The following CLECL1 variants were observed in gnomAD, a reference collection of about 807,000 sequenced individuals.
CLECL1 encodes C-type lectin like 1.
intron 2 of CLECL1, among the ~76,000 whole-genome samples, chr12:9,729,238 A>G (rs553408380): frequency 6.6e-6 from 1 of 152,144 alleles, no homozygotes; most frequent in Admixed American, 6.5e-5. Context: ...AAGCATACAC[A>G]GAAACACAAG....
downstream of CLECL1, chr12:9,722,628 A>G (rs1866327366): frequency 1.2e-6 from 2 of 1,604,660 alleles, no homozygotes; most frequent in East Asian, 4.5e-5. Context: ...TGTCACCTCT[A>G]AATGTTAAAT....
At chr12:9,729,812 T>C (rs1866424958) in intron 1 of CLECL1, among the ~76,000 whole-genome samples, 1 of 152,074 alleles carries the variant, frequency 6.6e-6, no homozygotes, top group African/African-American at 2.4e-5. Flanking sequence ...TAGACCCAGC[T>C]TCTTTTTTTT....
At chr12:9,724,725 T>C (rs1032522663) in intron 3 of CLECL1, among the ~76,000 whole-genome samples, 1 of 144,720 alleles carries the variant, frequency 6.9e-6, no homozygotes, top group Non-Finnish European at 1.5e-5. Context: ...ATATTTAGAA[T>C]TGAAGTCCCA....
chr12:9,706,072 C>T, the CLECL1 span, among the ~76,000 whole-genome samples: 5 of 152,134 alleles, frequency 3.3e-5, no homozygotes, highest in Admixed American at 6.5e-5. Flanking sequence ...TGTACTTCTC[C>T]TTGAGGAAGC....
At chr12:9,733,123 A>G (rs758921296), upstream of CLECL1, 17 of 1,614,080 alleles carry the variant, frequency 1.1e-5, no homozygotes, top group Non-Finnish European at 1.4e-5. Flanking sequence ...AAGTAAATTG[A>G]GATGGCAAAT....
intron 1 of CLECL1, 85 bp downstream of exon 1, chr12:9,732,864 G>T: frequency 8.8e-7 from 1 of 1,133,902 alleles, no homozygotes; most frequent in Non-Finnish European, 1.2e-6. Context: ...CCTCTTTTCA[G>T]TTTGGCAATT....
At chr12:9,726,031 T>A (rs1397054017) in intron 3 of CLECL1, among the ~76,000 whole-genome samples, 2 of 151,996 alleles carry the variant, frequency 1.3e-5, no homozygotes, top group South Asian at 2.1e-4. Context: ...CTCTTACAGA[T>A]GAAAATGCAG....
chr12:9,731,649 C>A (rs1391300440), intron 1 of CLECL1, among the ~76,000 whole-genome samples: 1 of 152,162 alleles, frequency 6.6e-6, no homozygotes, highest in East Asian at 1.9e-4. Flanking sequence ...TGATATTTGA[C>A]TTCTGGTCAT....
chr12:9,731,449 G>A (rs1178830457), intron 1 of CLECL1, among the ~76,000 whole-genome samples: 1 of 152,142 alleles, frequency 6.6e-6, no homozygotes, highest in East Asian at 1.9e-4. Flanking sequence ...AAAAGAAAAG[G>A]CCAATAGCCA....
At chr12:9,724,122 G>A (rs913771529) in intron 3 of CLECL1, among the ~76,000 whole-genome samples, 8 of 149,308 alleles carry the variant, frequency 5.4e-5, no homozygotes, top group African/African-American at 2.0e-4. Context: ...GGGAGGTAAA[G>A]GTTGCAATGA....
At chr12:9,713,950 A>G (rs1246757294), downstream of CLECL1, among the ~76,000 whole-genome samples, 1 of 152,140 alleles carries the variant, frequency 6.6e-6, no homozygotes, top group African/African-American at 2.4e-5. Context: ...GTCTTTAACT[A>G]CTTGCCTTTG....
chr12:9,721,182 T>C (rs1035849548), downstream of CLECL1, among the ~76,000 whole-genome samples: 1 of 152,078 alleles, frequency 6.6e-6, no homozygotes, highest in Non-Finnish European at 1.5e-5. Flanking sequence ...ATTTGCCATA[T>C]GATGACACTT....
At chr12:9,705,256 T>A in the CLECL1 span, among the ~76,000 whole-genome samples, 1 of 151,976 alleles carries the variant, frequency 6.6e-6, no homozygotes, top group Non-Finnish European at 1.5e-5. Context: ...TTTAATGAGG[T>A]CTTTTTTTTT....
exon 3 of CLECL1, chr12:9,715,953 C>T (rs1263735689): frequency 6.6e-6 from 1 of 152,476 alleles, no homozygotes; most frequent in Non-Finnish European, 1.5e-5. Flanking sequence ...TCACATTGGC[C>T]TGCACATTTT....
At chr12:9,723,221 T>C (rs1866335531) in intron 3 of CLECL1, among the ~76,000 whole-genome samples, 1 of 152,188 alleles carries the variant, frequency 6.6e-6, no homozygotes, top group Admixed American at 6.5e-5. Flanking sequence ...AGTATAGTTA[T>C]TCACAAGCAA....
At chr12:9,730,001 A>C (rs1866427468) in intron 1 of CLECL1, among the ~76,000 whole-genome samples, 3 of 152,150 alleles carry the variant, frequency 2.0e-5, no homozygotes. Context: ...CTTATTGACA[A>C]CACCCATTTA....
intron 2 of CLECL1, among the ~76,000 whole-genome samples, chr12:9,717,356 A>G (rs1293808122): frequency 6.6e-6 from 1 of 152,192 alleles, no homozygotes; most frequent in African/African-American, 2.4e-5. Context: ...GAGACAACCT[A>G]CTGCATATGT....
downstream of CLECL1, among the ~76,000 whole-genome samples, chr12:9,720,466 C>T (rs1420961619): frequency 6.6e-6 from 1 of 151,890 alleles, no homozygotes; most frequent in Non-Finnish European, 1.5e-5. Context: ...CCTTAGCCTC[C>T]CGAGTAGCTG....
intron 3 of CLECL1, among the ~76,000 whole-genome samples, chr12:9,726,278 A>G (rs1389291658): frequency 2.6e-5 from 4 of 152,010 alleles, no homozygotes; most frequent in Non-Finnish European, 2.9e-5. Context: ...TCACATCACA[A>G]CAACAAAAAA....
Sources: allele counts gnomAD v4.1 joint callset (sites outside exome capture counted in the v4.1 genomes callset), GRCh38; gene constraint gnomAD v4.1.1; transcripts MANE v1.5; gene names NCBI Gene and HGNC (gene_info 2026-07-23, HGNC 2026-07-21).